Variants in SEMA3D observed in about 807,000 individuals in gnomAD.
SEMA3D encodes the protein semaphorin-3D.
A neutral mutation model predicts 100.1 loss-of-function variants in SEMA3D; 84 were observed. That is an observed-to-expected ratio of 0.84 (90% CI 0.70 to 1.01). The LOEUF (loss-of-function observed/expected upper bound fraction) is 1.01. SEMA3D is among the 50% of genes least tolerant of loss of function. SEMA3D has a pLI of 0.00. For synonymous variants in SEMA3D, 312 were observed against 320.7 expected, an observed-to-expected ratio of 0.97 and a Z score of 0.29; for missense variants, 875 against 934.1, an observed-to-expected ratio of 0.94 and a Z score of 0.82.
chr7:85,009,039 C>A (rs571354663), intron 17 of SEMA3D, among the ~76,000 whole-genome samples: 1 of 151,800 alleles, frequency 6.6e-6, no homozygotes, highest in East Asian at 1.9e-4. Flanking sequence ...TGGTCCCAGG[C>A]ATTTCAGATA....
intron 13 of SEMA3D, 142 bp from the exon 14 acceptor site, chr7:85,020,463 C>A: frequency 1.6e-6 from 1 of 626,074 alleles, no homozygotes; most frequent in South Asian, 2.0e-5. Flanking sequence ...CATGCATGAA[C>A]TGAAGCTTAA....
intron 9 of SEMA3D, 58 bp downstream of exon 9, chr7:85,055,659 T>C (rs986104536): frequency 1.9e-4 from 19 of 100,312 alleles, no homozygotes; most frequent in Non-Finnish European, 2.5e-4. Context: ...TATATATATA[T>C]ATATATATAT....
intron 1 of SEMA3D, among the ~76,000 whole-genome samples, chr7:85,185,660 C>T (rs2159580): frequency 0.66 from 101,011 of 152,038 alleles, 34,292 homozygotes; most frequent in East Asian, 0.92. Flanking sequence ...AGCTCCCTGC[C>T]ACAGCGCGGC....
At chr7:85,116,153 T>G (rs971050623) in intron 3 of SEMA3D, among the ~76,000 whole-genome samples, 6 of 150,796 alleles carry the variant, frequency 4.0e-5, no homozygotes, top group Non-Finnish European at 5.9e-5. Context: ...TTGTTTTCTA[T>G]TATCAATTTG....
At chr7:85,018,576 G>A (rs2115829337) in intron 14 of SEMA3D, among the ~76,000 whole-genome samples, 1 of 151,874 alleles carries the variant, frequency 6.6e-6, no homozygotes, top group South Asian at 2.1e-4. Flanking sequence ...ACTCACAAGT[G>A]TTCTTCTTCT....
intron 8 of SEMA3D, among the ~76,000 whole-genome samples, chr7:85,059,268 C>T (rs1562800775): frequency 6.6e-6 from 1 of 152,146 alleles, no homozygotes; most frequent in Non-Finnish European, 1.5e-5. Flanking sequence ...CATTTAGACT[C>T]ATTAACTCAA....
the SEMA3D span, among the ~76,000 whole-genome samples, chr7:85,224,182 A>G: frequency 6.6e-6 from 1 of 152,316 alleles, no homozygotes; most frequent in African/African-American, 2.4e-5. Context: ...CATAACACAC[A>G]CACAGGTCTA....
intron 1 of SEMA3D, among the ~76,000 whole-genome samples, chr7:85,177,075 A>C (rs1455747401): frequency 6.6e-6 from 1 of 152,130 alleles, no homozygotes; most frequent in African/African-American, 2.4e-5. Flanking sequence ...GGTTCATTCT[A>C]TGATGTTTGC....
intron 2 of SEMA3D, among the ~76,000 whole-genome samples, chr7:85,150,631 T>C (rs2116489351): frequency 6.6e-6 from 1 of 151,726 alleles, no homozygotes; most frequent in African/African-American, 2.4e-5. Flanking sequence ...ATCAATTTAC[T>C]GCTTACATCT....
chr7:85,077,901 T>C lies in SEMA3D; in HGVS notation c.375+3616A>G, dbSNP rs962370909. Among the ~76,000 whole-genome samples the C allele has an allele frequency of 6.1e-4, 93 of 152,294 alleles. 1 individual carries two copies. Among genetic ancestry groups the C allele is most frequent in the African/African-American group, 2.2e-3 (91 of 41,580 alleles). The stretch of plus-strand genomic sequence containing the variant: ...TTACATAAAATTTTTTCATGTACAG[T>C]GTCATTTTCAATAGTAAAACTGGAT... On this transcript the variant is annotated intron_variant, in intron 5 of 18. Transcript: ENST00000284136.
At chr7:85,000,952 C>A (rs894527781) in intron 18 of SEMA3D, among the ~76,000 whole-genome samples, 2 of 152,068 alleles carry the variant, frequency 1.3e-5, no homozygotes, top group Non-Finnish European at 2.9e-5. Context: ...GTATTGTAGA[C>A]TTTTAGATGA....
chr7:85,097,000 A>C (rs573170822), intron 4 of SEMA3D, among the ~76,000 whole-genome samples: 1 of 151,840 alleles, frequency 6.6e-6, no homozygotes, highest in African/African-American at 2.4e-5. Flanking sequence ...AGACAATAGA[A>C]GATGTTTCAA....
chr7:85,200,151 C>T, the SEMA3D span, among the ~76,000 whole-genome samples: 1 of 152,048 alleles, frequency 6.6e-6, no homozygotes, highest in African/African-American at 2.4e-5. Context: ...CAGTAAGTTG[C>T]TAAAAGTAGA....
At chr7:85,168,848 AGAAAG>A (rs375802813) in intron 1 of SEMA3D, among the ~76,000 whole-genome samples, 3,595 of 115,490 alleles carry the variant, frequency 0.031, 85 homozygotes, top group South Asian at 0.093. Flanking sequence ...AAAGAAAGAA[AGAAAG>A]AAAGAAAGAA....
At chr7:85,065,375 C>T in intron 8 of SEMA3D, 49 bp downstream of exon 8, 1 of 1,575,366 alleles carries the variant, frequency 6.3e-7, no homozygotes, top group Non-Finnish European at 8.7e-7. Context: ...TCTTATCTAT[C>T]TTAAACCAAA....
chr7:85,133,654 C>A (rs1295186727), intron 2 of SEMA3D, among the ~76,000 whole-genome samples: 1 of 151,976 alleles, frequency 6.6e-6, no homozygotes, highest in Non-Finnish European at 1.5e-5. Context: ...AAAGTTCAGT[C>A]TCTGGCTATA....
At chr7:85,148,813 A>ATG (rs143595661) in intron 2 of SEMA3D, among the ~76,000 whole-genome samples, 11 of 151,576 alleles carry the variant, frequency 7.3e-5, no homozygotes, top group East Asian at 1.9e-4. Context: ...GTGTGCATGT[A>ATG]TGTGTGTGTG....
At chr7:85,040,885 A>G in intron 10 of SEMA3D, 143 bp from the exon 11 acceptor site, 2 of 548,428 alleles carry the variant, frequency 3.6e-6, no homozygotes, top group Non-Finnish European at 6.5e-6. Flanking sequence ...GAAATCAAAT[A>G]TAAGATTGTT....
intron 2 of SEMA3D, among the ~76,000 whole-genome samples, chr7:85,143,821 A>G (rs1790124362): frequency 6.6e-6 from 1 of 151,374 alleles, no homozygotes; most frequent in African/African-American, 2.4e-5. Context: ...TCCTGGGTTC[A>G]AGCTTCAGCC....
Sources: gnomAD v4.1 joint callset for allele counts (sites outside exome capture counted in the v4.1 genomes callset) on GRCh38, gnomAD v4.1.1 for gene constraint, MANE v1.5 for transcripts, NCBI Gene and HGNC (gene_info 2026-07-23, HGNC 2026-07-21) for gene names.